Variants in MINAR2 observed in about 807,000 individuals in gnomAD.
MINAR2 encodes the protein membrane integral NOTCH2 associated receptor 2.
MINAR2 carries 21 observed loss-of-function variants against 16.1 expected under a neutral mutation model. The ratio of observed to expected loss-of-function variants is 1.31; its 90% CI spans 0.93 to 1.88. The LOEUF is 1.88. Ranked by LOEUF, MINAR2 falls within the 40% of genes most tolerant of loss-of-function variation. The pLI is 0.00. For missense variants in MINAR2, 259 were observed against 229.8 expected (o/e 1.13, Z -0.82); for synonymous variants, 86 against 83.0 (o/e 1.04, Z -0.20).
intron 1 of MINAR2, among the ~76,000 whole-genome samples, chr5:129,758,539 T>C (rs1441693955): frequency 6.6e-6 from 1 of 152,040 alleles, no homozygotes; most frequent in African/African-American, 2.4e-5. Context: ...TTGCTACTTT[T>C]ACACATTAGA....
intron 1 of MINAR2, among the ~76,000 whole-genome samples, chr5:129,754,759 T>C (rs1758034481): frequency 6.6e-6 from 1 of 152,200 alleles, no homozygotes. Flanking sequence ...TGTGTTAACA[T>C]CTATTTTGCC....
At chr5:129,759,608 T>C (rs558954799) in intron 1 of MINAR2, among the ~76,000 whole-genome samples, 7 of 152,192 alleles carry the variant, frequency 4.6e-5, no homozygotes, top group African/African-American at 1.7e-4. Context: ...TGTTAGAATT[T>C]GGGTGCTATT....
At chr5:129,750,678 G>T (rs1757975244) in intron 1 of MINAR2, among the ~76,000 whole-genome samples, 1 of 152,178 alleles carries the variant, frequency 6.6e-6, no homozygotes, top group South Asian at 2.1e-4. Flanking sequence ...CATATGTATT[G>T]TTATTTATAC....
At chr5:129,748,649 A>G (rs958165373) in intron 1 of MINAR2, among the ~76,000 whole-genome samples, 2 of 152,096 alleles carry the variant, frequency 1.3e-5, no homozygotes, top group Non-Finnish European at 1.5e-5. Flanking sequence ...AAATTTTCAA[A>G]CTAATTGTTA....
At chr5:129,758,249 A>T (rs779476192) in intron 1 of MINAR2, among the ~76,000 whole-genome samples, 27 of 151,990 alleles carry the variant, frequency 1.8e-4, no homozygotes, top group Admixed American at 2.0e-4. Context: ...TTTCTTGTGC[A>T]GTACAGTGAA....
intron 1 of MINAR2, among the ~76,000 whole-genome samples, chr5:129,755,439 C>G (rs1156413312): frequency 1.3e-5 from 2 of 151,920 alleles, no homozygotes; most frequent in Admixed American, 6.6e-5. Flanking sequence ...ACTGCAAAAC[C>G]CTCTGACATG....
At chr5:129,764,338 G>A (rs998710951) in intron 2 of MINAR2, among the ~76,000 whole-genome samples, 1 of 152,174 alleles carries the variant, frequency 6.6e-6, no homozygotes, top group Non-Finnish European at 1.5e-5. Flanking sequence ...AGTGGGTCAA[G>A]AGTAATGGAA....
intron 1 of MINAR2, among the ~76,000 whole-genome samples, chr5:129,757,829 A>G (rs1239765784): frequency 1.3e-5 from 2 of 151,948 alleles, no homozygotes; most frequent in African/African-American, 2.4e-5. Context: ...ACCTAAATCA[A>G]TACTTGCATG....
chr5:129,757,904 T>G (rs10055192), intron 1 of MINAR2, among the ~76,000 whole-genome samples: 25,432 of 151,820 alleles, frequency 0.17, 2,316 homozygotes, highest in East Asian at 0.3. Context: ...TATTTCTCTT[T>G]TACCTTAAAC....
chr5:129,758,911 ATG>A (rs1294982592), intron 1 of MINAR2, among the ~76,000 whole-genome samples: 1 of 152,000 alleles, frequency 6.6e-6, no homozygotes, highest in East Asian at 1.9e-4. Flanking sequence ...GTTTTACAGA[ATG>A]TAAGTTGACT....
chr5:129,749,457 C>T lies in MINAR2; in HGVS notation c.165+1102C>T, dbSNP rs192206473. Among the ~76,000 whole-genome samples, 488 of 152,234 alleles carry T rather than the reference C, an allele frequency of 3.2e-3. 1 individual carries two copies. Among genetic ancestry groups the T allele is most frequent in the Admixed American group, 4.3e-3 (65 of 15,276 alleles). On this transcript the variant is annotated intron_variant, in intron 1 of 2. Transcript: ENST00000564719. ...TAATTTATTTCCATTGTAAGGCAGC[C>T]TATTATGACAACTGGCATTTTTTGA...
intron 1 of MINAR2, among the ~76,000 whole-genome samples, chr5:129,756,603 C>G (rs760855692): frequency 6.6e-6 from 1 of 152,026 alleles, no homozygotes; most frequent in Non-Finnish European, 1.5e-5. Context: ...AGTTACTTCA[C>G]TTAGAATAAT....
intron 2 of MINAR2, among the ~76,000 whole-genome samples, chr5:129,764,092 A>T (rs956921996): frequency 6.6e-6 from 1 of 152,210 alleles, no homozygotes; most frequent in African/African-American, 2.4e-5. Context: ...TAGGAAAAAA[A>T]TGTATTTTTA....
In MINAR2 at chr5:129,760,454, C is replaced by G. The variant is rs752758832; in HGVS notation, c.242C>G (p.Pro81Arg). The change falls in exon 2 of 3, where the codon CCA becomes CGA. Residue 81 changes from proline to arginine, a missense_variant. By Grantham distance (103) the Pro-to-Arg change is moderately radical (BLOSUM62 -2). Coordinates refer to ENST00000564719, the MANE Select transcript of MINAR2 (RefSeq NM_001257308.2). The part of the protein sequence containing the change: ...ADSLVTADSP[P>R]PSMSSVMKNN... The stretch of plus-strand genomic sequence containing the variant: ...AGCCTTGTCACTGCTGATAGCCCCC[C>G]ACCATCCATGTCATCAGTTATGAAG... 6.5e-7 allele frequency: 1 copy of G among 1,535,736 alleles called. No individual in the cohort carries two copies. Among genetic ancestry groups the G allele is most frequent in the Admixed American group, 2.0e-5 (1 of 50,954 alleles).
rs1037357918 is a variant in MINAR2 at position 129,766,677 on chromosome 5, A to T, written c.*1614A>T. 6 of 149,484 alleles carry T rather than the reference A, an allele frequency of 4.0e-5. No homozygotes were observed. The highest frequency in any genetic ancestry group is 1.5e-4 in the African/African-American group (6 of 39,720). 9.3% of individuals were successfully genotyped at this position (149,484 alleles called of 1,614,324 possible). Reference sequence around the variant, plus strand: ...AAAAACAAACAAACAAACAAAAAAAACCCCAAAAAAAGAGACAGTTTTACT... The same window carrying T: ...AAAAACAAACAAACAAACAAAAAAATCCCCAAAAAAAGAGACAGTTTTACT... On this transcript the variant is annotated 3_prime_UTR_variant, in exon 3 of 3. Coordinates refer to ENST00000564719, the MANE Select transcript of MINAR2 (RefSeq NM_001257308.2).
chr5:129,751,757 A>AT (rs1757987487), intron 1 of MINAR2, among the ~76,000 whole-genome samples: 1 of 152,228 alleles, frequency 6.6e-6, no homozygotes, highest in Admixed American at 6.5e-5. Context: ...TGTTAGATTA[A>AT]TTTTGGGGAT....
chr5:129,764,899 C>A lies in MINAR2; in HGVS notation c.409C>A (p.Leu137Met), dbSNP rs1206059766. 3 of 1,326,958 alleles carry A rather than the reference C, an allele frequency of 2.3e-6. No individual in the cohort carries two copies. The highest frequency in any genetic ancestry group is 2.3e-5 in the South Asian group (1 of 43,034). 82.2% of individuals were successfully genotyped at this position (1,326,958 alleles called of 1,614,324 possible). Residue 137 changes from leucine to methionine, a missense_variant, in exon 3 of 3, where the codon CTG becomes ATG. Coordinates refer to ENST00000564719, the MANE Select transcript of MINAR2 (RefSeq NM_001257308.2). ...TTTCTTTTAGGAAAATCCTAATGAC[C>A]TGCGGTTTTGGTTGGGAGACATGTA... is the stretch of plus-strand genomic sequence containing the variant. Reference protein sequence around the residue: ...SGHLKENPNDLRFWLGDMYTP... With the variant: ...SGHLKENPNDMRFWLGDMYTP...
At chr5:129,755,175 C>T (rs186128461) in intron 1 of MINAR2, among the ~76,000 whole-genome samples, 28 of 152,156 alleles carry the variant, frequency 1.8e-4, no homozygotes, top group Middle Eastern at 3.4e-3. Context: ...GTTGGTATAA[C>T]ATCTTTCCCT....
At position 129,766,137 on chromosome 5, in the gene MINAR2, G is replaced by A. The variant is rs1468264563; in HGVS notation, c.*1074G>A. ...AGATGGGGAATCAAGTCACCATCCT[G>A]CCCTTCCTTCTAGAACATCCTTTCC... On this transcript the variant is annotated 3_prime_UTR_variant, in exon 3 of 3. Transcript: ENST00000564719. 1 of 152,230 alleles carries A rather than the reference G, an allele frequency of 6.6e-6. No individual in the cohort carries two copies. Among genetic ancestry groups the A allele is most frequent in the African/African-American group, 2.4e-5 (1 of 41,444 alleles). The allele number at this position is 152,230 out of a possible 1,614,324, so 9.4% of individuals were successfully genotyped here.
Sources: gnomAD v4.1 joint callset for allele counts (sites outside exome capture counted in the v4.1 genomes callset) on GRCh38, gnomAD v4.1.1 for gene constraint, MANE v1.5 for transcripts, NCBI Gene and HGNC (gene_info 2026-07-23, HGNC 2026-07-21) for gene names.